UCHL3: variants seen among roughly 807,000 people sequenced by gnomAD.
The protein encoded by UCHL3 is ubiquitin C-terminal hydrolase L3.
In UCHL3, 22 loss-of-function variants were observed where a neutral mutation model predicts 35.8. The observed-to-expected ratio is 0.61, with a 90% CI of 0.44 to 0.88. The LOEUF is 0.88. UCHL3 is among the 40% of genes least tolerant of loss of function. UCHL3 has a pLI of 0.00. For synonymous variants in UCHL3, 90 were observed against 92.8 expected (o/e 0.97, Z 0.17); for missense variants, 229 against 276.9 (o/e 0.83, Z 1.23).
At chr13:75,568,778 A>G (rs916929645) in intron 5 of UCHL3, among the ~76,000 whole-genome samples, 1 of 152,128 alleles carries the variant, frequency 6.6e-6, no homozygotes, top group African/African-American at 2.4e-5. Context: ...ATGTAAATAT[A>G]TAAACTCCTA....
At chr13:75,582,352 G>GTT (rs200810498) in intron 6 of UCHL3, among the ~76,000 whole-genome samples, 1 of 152,084 alleles carries the variant, frequency 6.6e-6, no homozygotes, top group African/African-American at 2.4e-5. Flanking sequence ...CCTAGTCTAG[G>GTT]TTTTTTTGAA....
chr13:75,572,600 G>C (rs1420785654), intron 6 of UCHL3, among the ~76,000 whole-genome samples: 1 of 152,040 alleles, frequency 6.6e-6, no homozygotes, highest in Non-Finnish European at 1.5e-5. Flanking sequence ...TTACACATAA[G>C]TACAACATAT....
chr13:75,602,144 A>G (rs2032797343), intron 7 of UCHL3, among the ~76,000 whole-genome samples: 1 of 151,992 alleles, frequency 6.6e-6, no homozygotes, highest in African/African-American at 2.4e-5. Flanking sequence ...CAAAAACAAA[A>G]CCAGTAAAAC....
chr13:75,577,460 A>T (rs1478320921), intron 6 of UCHL3, among the ~76,000 whole-genome samples: 1 of 152,214 alleles, frequency 6.6e-6, no homozygotes. Context: ...ACACTATTTT[A>T]TATAAGGCTT....
At chr13:75,586,649 A>T (rs910035846) in intron 6 of UCHL3, among the ~76,000 whole-genome samples, 22 of 152,110 alleles carry the variant, frequency 1.4e-4, no homozygotes, top group African/African-American at 3.1e-4. Context: ...AAATTTTTTT[A>T]AAAAATTTAA....
intron 6 of UCHL3, chr13:75,590,221 C>G (rs1304057028): frequency 6.8e-6 from 8 of 1,176,092 alleles, no homozygotes; most frequent in African/African-American, 3.6e-5. Context: ...GAGTGCTTTT[C>G]TCTTGGTTCA....
intron 3 of UCHL3, among the ~76,000 whole-genome samples, chr13:75,563,753 G>A (rs2031592153): frequency 6.6e-6 from 1 of 151,906 alleles, no homozygotes; most frequent in African/African-American, 2.4e-5. Flanking sequence ...TCACATCCCT[G>A]CTAACCTCTG....
At chr13:75,559,024 C>T (rs934451887) in intron 2 of UCHL3, among the ~76,000 whole-genome samples, 3 of 147,536 alleles carry the variant, frequency 2.0e-5, no homozygotes, top group Non-Finnish European at 3.0e-5. Flanking sequence ...TCCTCAGCCC[C>T]GGACTCTTTT....
chr13:75,574,149 C>T (rs546240783), intron 6 of UCHL3, among the ~76,000 whole-genome samples: 4 of 151,812 alleles, frequency 2.6e-5, no homozygotes, highest in South Asian at 2.1e-4. Context: ...ACCTGGGAGG[C>T]GGAGCTTGCA....
Position 75,549,940 on chromosome 13 carries a change from T to G in UCHL3, c.43-36T>G. ...GCTTGCTGCCGCGAGTCCACGGTGGTTTGTCTCTAAAGCGTGTTCTCTGTT... is the reference window on the plus strand; with the variant it reads ...GCTTGCTGCCGCGAGTCCACGGTGGGTTGTCTCTAAAGCGTGTTCTCTGTT... On this transcript the variant is annotated intron_variant, in intron 1 of 8. Coordinates refer to ENST00000377595, the MANE Select transcript of UCHL3 (RefSeq NM_006002.5). The G allele has an allele frequency of 1.9e-6, 3 of 1,614,146 alleles. No individual in the cohort carries two copies. The South Asian group carries it at 3.3e-5, about 18-fold the overall frequency.
intron 7 of UCHL3, among the ~76,000 whole-genome samples, chr13:75,598,680 G>T (rs549397823): frequency 6.6e-6 from 1 of 152,262 alleles, no homozygotes; most frequent in East Asian, 1.9e-4. Context: ...TCTTCTCAGT[G>T]CATCATATCG....
intron 5 of UCHL3, 93 bp downstream of exon 5, chr13:75,567,405 G>A: frequency 9.0e-7 from 1 of 1,111,198 alleles, no homozygotes; most frequent in Non-Finnish European, 1.3e-6. Context: ...CCATAGTTTT[G>A]AGCAATTATG....
At chr13:75,599,868 A>G (rs570654533) in intron 7 of UCHL3, among the ~76,000 whole-genome samples, 45 of 152,364 alleles carry the variant, frequency 3.0e-4, no homozygotes, top group African/African-American at 1.0e-3. Context: ...TGAGGAAGGC[A>G]TATTGAAAGC....
intron 7 of UCHL3, among the ~76,000 whole-genome samples, chr13:75,601,918 G>A (rs1343329084): frequency 2.0e-5 from 3 of 152,048 alleles, no homozygotes; most frequent in Non-Finnish European, 4.4e-5. Context: ...GACCATCCTG[G>A]CTAACATGGT....
intron 6 of UCHL3, among the ~76,000 whole-genome samples, chr13:75,579,400 C>T (rs960017763): frequency 1.8e-4 from 27 of 152,004 alleles, no homozygotes; most frequent in Non-Finnish European, 3.1e-4. Context: ...CTTTTGGAGG[C>T]GATTTTATTT....
At chr13:75,568,204 T>C (rs1040771991) in intron 5 of UCHL3, among the ~76,000 whole-genome samples, 2 of 152,176 alleles carry the variant, frequency 1.3e-5, no homozygotes, top group Non-Finnish European at 2.9e-5. Context: ...AATAACATTA[T>C]TAAATAGATT....
At chr13:75,564,348 C>T (rs2031616803) in intron 3 of UCHL3, among the ~76,000 whole-genome samples, 1 of 152,040 alleles carries the variant, frequency 6.6e-6, no homozygotes, top group Non-Finnish European at 1.5e-5. Flanking sequence ...GACGGGGTTT[C>T]ACCATGTTAG....
intron 6 of UCHL3, among the ~76,000 whole-genome samples, chr13:75,583,310 G>T (rs967399836): frequency 3.3e-5 from 5 of 152,054 alleles, no homozygotes; most frequent in Non-Finnish European, 7.4e-5. Flanking sequence ...CACAAGCTTT[G>T]ACATATGGGA....
intron 6 of UCHL3, among the ~76,000 whole-genome samples, chr13:75,587,017 C>CA (rs3036429): frequency 0.19 from 18,920 of 98,890 alleles, 1,966 homozygotes; most frequent in African/African-American, 0.29. Context: ...CTTAAGGTAG[C>CA]AAAAAAAAAA....
Sources: allele counts gnomAD v4.1 joint callset (sites outside exome capture counted in the v4.1 genomes callset), GRCh38; gene constraint gnomAD v4.1.1; transcripts MANE v1.5; gene names NCBI Gene and HGNC (gene_info 2026-07-23, HGNC 2026-07-21).